The following FBLN5 variants were observed in gnomAD, a reference collection of about 807,000 sequenced individuals.
FBLN5 encodes fibulin-5.
A neutral mutation model predicts 61.6 loss-of-function variants in FBLN5; 24 were observed. The observed-to-expected ratio is 0.39, with a 90% CI of 0.28 to 0.55. The LOEUF (loss-of-function observed/expected upper bound fraction) is 0.55. FBLN5 is among the 20% of genes least tolerant of loss of function. FBLN5 has a pLI of 0.65. For synonymous variants in FBLN5, 213 were observed against 219.8 expected, an observed-to-expected ratio of 0.97 and a Z score of 0.27; for missense variants, 470 against 594.1, an observed-to-expected ratio of 0.79 and a Z score of 2.17.
intron 9 of FBLN5, among the ~76,000 whole-genome samples, chr14:91,879,908 C>T (rs181221138): frequency 6.6e-6 from 1 of 151,924 alleles, no homozygotes; most frequent in African/African-American, 2.4e-5. Context: ...CAAGGGAAGT[C>T]GATGTGTGAA....
intron 5 of FBLN5, 112 bp downstream of exon 5, chr14:91,894,838 T>TTCCAAAAAAA: frequency 4.8e-6 from 1 of 210,374 alleles, no homozygotes; most frequent in South Asian, 3.5e-5. Context: ...CCGCCCTCCC[T>TTCCAAAAAAA]AGCAAAGAAA....
Position 91,933,377 on chromosome 14 carries a change from C to A in FBLN5, c.379+3570G>T, listed in dbSNP as rs1290457070. On this transcript the variant is annotated intron_variant, in intron 4 of 10. Transcript: ENST00000342058. ...GCAACCTCCACCTCCTGGGTTCAAGCAATTCTCCTGCCTCAGCCTCCCGAG... is the reference window on the plus strand; with the variant it reads ...GCAACCTCCACCTCCTGGGTTCAAGAAATTCTCCTGCCTCAGCCTCCCGAG... Among the ~76,000 whole-genome samples the A allele has an allele frequency of 3.3e-5, 5 of 152,082 alleles. 1 individual carries two copies. The South Asian group carries it at 8.3e-4, about 25-fold the overall frequency.
rs1331973515 is a variant in FBLN5 at position 91,882,850 on chromosome 14, C to T, written c.862+104G>A. The T allele has an allele frequency of 4.3e-6, 6 of 1,395,724 alleles. No individual in the cohort carries two copies. Among genetic ancestry groups the T allele is most frequent in the Non-Finnish European group, 6.0e-6 (6 of 1,006,174 alleles). 86.5% of individuals were successfully genotyped at this position (1,395,724 alleles called of 1,614,324 possible). A position where few individuals can be genotyped will look rare whatever the true frequency, so the allele number is the denominator to read the frequency against. ...CTCACACCCCCACCCCTGCCACCTT[C>T]CCAAAGCTGCACATGATTCCCCAGG... On this transcript the variant is annotated intron_variant, in intron 8 of 10. Coordinates refer to ENST00000342058, the MANE Select transcript of FBLN5 (RefSeq NM_006329.4). The surrounding 1 kb of genome is among the most constrained non-coding windows in gnomAD (Gnocchi z 4.9).
chr14:91,881,170 G>A (rs184985711), intron 9 of FBLN5, 122 bp downstream of exon 9: 21 of 977,232 alleles, frequency 2.1e-5, no homozygotes, highest in African/African-American at 4.8e-5. Context: ...AGCACATGAC[G>A]TAGGTAGTAG....
At chr14:91,878,452 C>T (rs527457580) in intron 9 of FBLN5, among the ~76,000 whole-genome samples, 1 of 152,254 alleles carries the variant, frequency 6.6e-6, no homozygotes, top group South Asian at 2.1e-4. Flanking sequence ...GTCTCTGACC[C>T]TGCCCTGAGA....
chr14:91,904,731 G>A (rs1220508272), intron 4 of FBLN5, among the ~76,000 whole-genome samples: 1 of 152,218 alleles, frequency 6.6e-6, no homozygotes, highest in East Asian at 1.9e-4. Flanking sequence ...CCACCCCTGT[G>A]ACCTCATCCA....
chr14:91,869,546 ACAG>A lies in FBLN5; in HGVS notation c.*675_*677del, dbSNP rs1348943351. On this transcript the variant is annotated 3_prime_UTR_variant, in exon 11 of 11. Coordinates refer to ENST00000342058, the MANE Select transcript of FBLN5 (RefSeq NM_006329.4). ...TGGAGAGGAGACTGGGTTTGGGAAGACAGAACATAGCATGTGTCTGAAGGCCTT... is the reference window on the plus strand; with the variant it reads ...TGGAGAGGAGACTGGGTTTGGGAAGAAACATAGCATGTGTCTGAAGGCCTT... 2.6e-5 allele frequency: 4 copies of A among 152,948 alleles called. No homozygotes were observed. Among genetic ancestry groups the A allele is most frequent in the Non-Finnish European group, 5.8e-5 (4 of 68,596 alleles). The allele number at this position is 152,948 out of a possible 1,614,324, so 9.5% of individuals were successfully genotyped here.
intron 4 of FBLN5, among the ~76,000 whole-genome samples, chr14:91,913,825 T>G (rs548805317): frequency 6.6e-6 from 1 of 152,210 alleles, no homozygotes; most frequent in African/African-American, 2.4e-5. Flanking sequence ...AACAAAAAGA[T>G]AATTTAAATC....
intron 6 of FBLN5, among the ~76,000 whole-genome samples, chr14:91,889,676 A>C (rs1889897659): frequency 6.6e-6 from 1 of 152,252 alleles, no homozygotes; most frequent in Non-Finnish European, 1.5e-5. Context: ...GCACTCTTCC[A>C]CACACGAAGA....
chr14:91,890,461 C>T (rs1204932748), intron 6 of FBLN5, among the ~76,000 whole-genome samples: 1 of 152,114 alleles, frequency 6.6e-6, no homozygotes, highest in Non-Finnish European at 1.5e-5. Flanking sequence ...AGGCCTGGGC[C>T]GGGAGCTGGA....
At position 91,943,753 on chromosome 14, in the gene FBLN5, T is replaced by G. The variant is rs991356404; in HGVS notation, c.18-792A>C. On this transcript the variant is annotated intron_variant, in intron 1 of 10. Coordinates refer to ENST00000342058, the MANE Select transcript of FBLN5 (RefSeq NM_006329.4). This position sits in a 1 kb window ranked among gnomAD's most constrained non-coding sequence, Gnocchi z 4.0. ...ACTGAACCAGAGCATTGAGTCCACA[T>G]GTGTGAAAATCCCCCATCAGTGGAT... Among the ~76,000 whole-genome samples, 2 of 152,132 alleles carry G rather than the reference T, an allele frequency of 1.3e-5. No homozygotes were observed. Among genetic ancestry groups the G allele is most frequent in the Non-Finnish European group, 2.9e-5 (2 of 68,032 alleles).
At chr14:91,873,096 C>A (rs1458721629) in intron 10 of FBLN5, among the ~76,000 whole-genome samples, 1 of 152,216 alleles carries the variant, frequency 6.6e-6, no homozygotes, top group Non-Finnish European at 1.5e-5. Flanking sequence ...CCGGCCTCCA[C>A]CTGGGTCCAC....
At chr14:91,917,633 G>C (rs925480176) in intron 4 of FBLN5, among the ~76,000 whole-genome samples, 2 of 149,662 alleles carry the variant, frequency 1.3e-5, no homozygotes, top group African/African-American at 4.9e-5. Context: ...CGTTTAGGTA[G>C]TTTATTGTTG....
chr14:91,890,800 C>T (rs1212289918), intron 6 of FBLN5, among the ~76,000 whole-genome samples: 18 of 152,080 alleles, frequency 1.2e-4, no homozygotes, highest in African/African-American at 2.4e-4. Flanking sequence ...CCCTGCCTAG[C>T]ATGGATGTGT....
At chr14:91,935,046 T>A (rs2055990069) in intron 4 of FBLN5, among the ~76,000 whole-genome samples, 2 of 152,226 alleles carry the variant, frequency 1.3e-5, no homozygotes. Context: ...GAATGCATAA[T>A]GCTGAACTTT....
At chr14:91,887,366 T>C (rs1407976009) in intron 6 of FBLN5, 54 bp from the exon 7 acceptor site, 1 of 1,595,468 alleles carries the variant, frequency 6.3e-7, no homozygotes. Context: ...ACAGCCACAA[T>C]AACTAGGCAG....
Position 91,937,180 on chromosome 14 carries a change from A to G in FBLN5, c.146T>C (p.Ile49Thr), listed in dbSNP as rs530387562. The change falls in exon 4 of 11, where the codon ATC becomes ACC. Residue 49 changes from isoleucine to threonine, a missense_variant. Coordinates refer to ENST00000342058, the MANE Select transcript of FBLN5 (RefSeq NM_006329.4). ...QCLDIDECRT[I>T]PEACRGDMMC... ...CATGTCTCCTCGGCAGGCCTCGGGGATGGTTCGGCATTCATCAATATCTGA... is the reference window on the plus strand; with the variant it reads ...CATGTCTCCTCGGCAGGCCTCGGGGGTGGTTCGGCATTCATCAATATCTGA... 1 of 1,614,014 alleles carries G rather than the reference A, an allele frequency of 6.2e-7. No individual in the cohort carries two copies. Among genetic ancestry groups the G allele is most frequent in the Non-Finnish European group, 8.5e-7 (1 of 1,180,000 alleles).
At chr14:91,914,818 T>G (rs1007759643) in intron 4 of FBLN5, among the ~76,000 whole-genome samples, 1 of 151,920 alleles carries the variant, frequency 6.6e-6, no homozygotes, top group Non-Finnish European at 1.5e-5. Flanking sequence ...GTGTGGTTTT[T>G]TTTTTTGTTT....
intron 4 of FBLN5, among the ~76,000 whole-genome samples, chr14:91,912,689 G>A (rs1262416242): frequency 6.6e-6 from 1 of 151,512 alleles, no homozygotes; most frequent in Non-Finnish European, 1.5e-5. Context: ...GTGCACCCGT[G>A]GTCCCAGCTA....
Sources: gnomAD v4.1 joint callset for allele counts (sites outside exome capture counted in the v4.1 genomes callset) on GRCh38, gnomAD v4.1.1 for gene constraint, Gnocchi (gnomAD v3.1) non-coding constraint, MANE v1.5 for transcripts, NCBI Gene and HGNC (gene_info 2026-07-23, HGNC 2026-07-21) for gene names.